The following ERBB4 variants were observed in gnomAD, a reference collection of about 807,000 sequenced individuals.
The protein encoded by ERBB4 is erb-b2 receptor tyrosine kinase 4, also known as receptor tyrosine-protein kinase erbB-4.
A neutral mutation model predicts 158.0 loss-of-function variants in ERBB4; 42 were observed. The ratio of observed to expected loss-of-function variants is 0.27; its 90% CI spans 0.21 to 0.34. ERBB4 has a LOEUF of 0.34. ERBB4 is among the 10% of genes least tolerant of loss of function. The pLI is 1.00. For synonymous variants in ERBB4, 583 were observed against 558.7 expected, an observed-to-expected ratio of 1.04 and a Z score of -0.61; for missense variants, 1,333 against 1,624.1, an observed-to-expected ratio of 0.82 and a Z score of 3.08.
intron 2 of ERBB4, among the ~76,000 whole-genome samples, chr2:211,997,757 C>T (rs2082234240): frequency 6.6e-6 from 1 of 151,952 alleles, no homozygotes; most frequent in Non-Finnish European, 1.5e-5. Context: ...ACCATGTTGA[C>T]TGCATTACTT....
intron 19 of ERBB4, among the ~76,000 whole-genome samples, chr2:211,595,691 A>G (rs1480398662): frequency 6.6e-6 from 1 of 152,176 alleles, no homozygotes; most frequent in Non-Finnish European, 1.5e-5. Flanking sequence ...CACGGGTCCA[A>G]TTACAGGTGG....
At chr2:211,856,614 C>T (rs1431947016) in intron 3 of ERBB4, among the ~76,000 whole-genome samples, 1 of 151,994 alleles carries the variant, frequency 6.6e-6, no homozygotes, top group Non-Finnish European at 1.5e-5. Flanking sequence ...GTCTCGATCT[C>T]CTGGCCTCGT....
chr2:211,814,902 G>A (rs1327104806), intron 3 of ERBB4, among the ~76,000 whole-genome samples: 1 of 152,162 alleles, frequency 6.6e-6, no homozygotes, highest in African/African-American at 2.4e-5. Context: ...AATTACATAT[G>A]CCACATTTAT....
intron 20 of ERBB4, among the ~76,000 whole-genome samples, chr2:211,435,807 AT>A (rs2063838918): frequency 6.6e-6 from 1 of 152,178 alleles, no homozygotes; most frequent in Non-Finnish European, 1.5e-5. Context: ...GGGACTGCTG[AT>A]CTAACTAATG....
intron 3 of ERBB4, among the ~76,000 whole-genome samples, chr2:211,818,496 G>A (rs986904729): frequency 6.6e-6 from 1 of 152,048 alleles, no homozygotes; most frequent in African/African-American, 2.4e-5. Context: ...GGGGGTTGGG[G>A]CAGAAGGGTA....
At position 211,421,999 on chromosome 2, in the gene ERBB4, G is replaced by GTAT; in HGVS notation, c.2964+7_2964+8insATA. 6.4e-7 allele frequency: 1 copy of GTAT among 1,565,086 alleles called. No individual in the cohort carries two copies. Among genetic ancestry groups the GTAT allele is most frequent in the Non-Finnish European group, 8.8e-7 (1 of 1,135,640 alleles). ...CTAGTCTTAAAGGCATAAGTCAAAT[G>GTAT]TACTCACCTGAATAACTAGGTATCT... On this transcript the variant is annotated splice_region_variant and intron_variant, in intron 24 of 27. Transcript: ENST00000342788.
rs756386417 is a variant in ERBB4 at position 212,296,670 on chromosome 2, G to T, written c.83-171767C>A. ...TGACCCTCTGGACTGCATCTTGTTT[G>T]CCAACTGGCTTCAATCTGAATGTAG... On this transcript the variant is annotated intron_variant, in intron 1 of 27. Transcript: ENST00000342788. Among the ~76,000 whole-genome samples, 8 of 151,872 alleles carry T rather than the reference G, an allele frequency of 5.3e-5. No homozygotes were observed. The East Asian group carries it at 1.6e-3, about 30-fold the overall frequency.
At chr2:212,467,610 T>C (rs566649363) in intron 1 of ERBB4, among the ~76,000 whole-genome samples, 2 of 152,184 alleles carry the variant, frequency 1.3e-5, no homozygotes, top group Non-Finnish European at 2.9e-5. Flanking sequence ...AGAAGATGTA[T>C]GGAAATGCCT....
At chr2:211,524,897 G>A (rs1050892938) in intron 20 of ERBB4, among the ~76,000 whole-genome samples, 1 of 152,200 alleles carries the variant, frequency 6.6e-6, no homozygotes, top group Non-Finnish European at 1.5e-5. Context: ...GGCGCTGAGA[G>A]CGAGCGAGGG....
intron 4 of ERBB4, among the ~76,000 whole-genome samples, chr2:211,755,517 TA>T (rs1288886192): frequency 3.3e-5 from 5 of 151,998 alleles, no homozygotes; most frequent in Non-Finnish European, 5.9e-5. Flanking sequence ...TAAAATAAAA[TA>T]AATGAATAAA....
intron 25 of ERBB4, among the ~76,000 whole-genome samples, chr2:211,400,603 A>G (rs1457517731): frequency 6.6e-6 from 1 of 151,750 alleles, no homozygotes; most frequent in African/African-American, 2.4e-5. Context: ...GATAGAGAGT[A>G]GAAGGATGGT....
intron 22 of ERBB4, among the ~76,000 whole-genome samples, chr2:211,425,911 T>C (rs1363881119): frequency 6.6e-6 from 1 of 152,078 alleles, no homozygotes; most frequent in African/African-American, 2.4e-5. Flanking sequence ...CTCAAACTCC[T>C]GGGTTTGAGC....
chr2:211,462,900 C>T (rs1272669440), intron 20 of ERBB4, among the ~76,000 whole-genome samples: 2 of 152,058 alleles, frequency 1.3e-5, no homozygotes, highest in South Asian at 2.1e-4. Context: ...TATAGTTTCT[C>T]TTTTTCACTC....
intron 2 of ERBB4, among the ~76,000 whole-genome samples, chr2:212,037,734 G>A (rs2077048287): frequency 2.0e-5 from 3 of 152,118 alleles, no homozygotes; most frequent in East Asian, 3.8e-4. Flanking sequence ...TGAAGTCAGG[G>A]GAAGGGATGA....
intron 1 of ERBB4, among the ~76,000 whole-genome samples, chr2:212,532,789 C>T (rs892682310): frequency 3.3e-5 from 5 of 152,154 alleles, no homozygotes; most frequent in African/African-American, 7.2e-5. Flanking sequence ...GCTGCTGCCC[C>T]CTGGAGTTGT....
intron 19 of ERBB4, among the ~76,000 whole-genome samples, chr2:211,576,318 G>T (rs1278863713): frequency 6.6e-6 from 1 of 152,234 alleles, no homozygotes; most frequent in South Asian, 2.1e-4. Flanking sequence ...ACCTCATAAA[G>T]AATCTCTGCA....
At chr2:211,912,519 A>G (rs2079565323) in intron 3 of ERBB4, among the ~76,000 whole-genome samples, 1 of 152,230 alleles carries the variant, frequency 6.6e-6, no homozygotes, top group Admixed American at 6.5e-5. Context: ...AACTTACAAT[A>G]AAACAAAAAA....
At chr2:211,963,001 A>G (rs1287027521) in intron 2 of ERBB4, among the ~76,000 whole-genome samples, 2 of 152,178 alleles carry the variant, frequency 1.3e-5, no homozygotes, top group Non-Finnish European at 2.9e-5. Context: ...AGGTACATGT[A>G]CCTAATATGT....
chr2:211,400,784 TG>T (rs2063022850), intron 25 of ERBB4, among the ~76,000 whole-genome samples: 1 of 151,692 alleles, frequency 6.6e-6, no homozygotes, highest in Non-Finnish European at 1.5e-5. Flanking sequence ...AACATATAAC[TG>T]GATTGCTTGT....
Sources: allele counts gnomAD v4.1 joint callset (sites outside exome capture counted in the v4.1 genomes callset), GRCh38; gene constraint gnomAD v4.1.1; transcripts MANE v1.5; gene names NCBI Gene and HGNC (gene_info 2026-07-23, HGNC 2026-07-21).